LRRC72: variants seen among roughly 807,000 people sequenced by gnomAD.
LRRC72 encodes the protein leucine rich repeat containing 72.
Under a neutral mutation model 35.8 loss-of-function variants are expected in LRRC72, and 41 were observed. That is an observed-to-expected ratio of 1.15 (90% CI 0.89 to 1.49). The LOEUF is 1.49. Ranked by LOEUF, LRRC72 falls within the 40% of genes most tolerant of loss-of-function variation. The pLI, the probability that LRRC72 is intolerant of heterozygous loss-of-function variation, is 0.00. For missense variants in LRRC72, 389 were observed against 330.7 expected (o/e 1.18, Z -1.37); for synonymous variants, 118 against 119.2 (o/e 0.99, Z 0.07).
At chr7:16,569,792 A>G (rs888964431) in intron 7 of LRRC72, among the ~76,000 whole-genome samples, 1 of 152,082 alleles carries the variant, frequency 6.6e-6, no homozygotes, top group Non-Finnish European at 1.5e-5. Flanking sequence ...GCACTTTGGG[A>G]GGCCGAGGCA....
intron 2 of LRRC72, among the ~76,000 whole-genome samples, chr7:16,534,753 T>C (rs1405193357): frequency 1.3e-5 from 2 of 152,210 alleles, no homozygotes; most frequent in African/African-American, 4.8e-5. Flanking sequence ...TTATTATTTA[T>C]CATAGGAACA....
chr7:16,559,123 G>A (rs1369180985), intron 5 of LRRC72, 124 bp downstream of exon 5: 3 of 560,280 alleles, frequency 5.4e-6, no homozygotes, highest in African/African-American at 3.9e-5. Context: ...GCTGGGCACT[G>A]TGACTCACGC....
At chr7:16,559,915 T>C (rs1487675109) in intron 5 of LRRC72, among the ~76,000 whole-genome samples, 1 of 152,032 alleles carries the variant, frequency 6.6e-6, no homozygotes, top group Non-Finnish European at 1.5e-5. Flanking sequence ...TTTTTAAGCT[T>C]TCAACTGGAG....
chr7:16,538,332 C>T (rs75914904), intron 3 of LRRC72, among the ~76,000 whole-genome samples: 2,702 of 152,094 alleles, frequency 0.018, 59 homozygotes, highest in African/African-American at 0.044. Context: ...TGCTTTGTAC[C>T]CTATAGTACT....
At chr7:16,531,749 C>G (rs1366860409) in intron 1 of LRRC72, among the ~76,000 whole-genome samples, 2 of 151,938 alleles carry the variant, frequency 1.3e-5, no homozygotes, top group East Asian at 3.9e-4. Flanking sequence ...GTCATGTGGC[C>G]TATTAACATT....
intron 3 of LRRC72, among the ~76,000 whole-genome samples, chr7:16,538,381 T>C (rs775148173): frequency 6.6e-6 from 1 of 152,204 alleles, no homozygotes; most frequent in African/African-American, 2.4e-5. Context: ...TTATAGCTTA[T>C]TCAGAAGTTC....
chr7:16,564,678 T>G (rs1008487449), intron 5 of LRRC72, among the ~76,000 whole-genome samples: 2 of 152,204 alleles, frequency 1.3e-5, no homozygotes, highest in African/African-American at 4.8e-5. Flanking sequence ...GCCTGCTTTA[T>G]GTCCCTCTAA....
intron 1 of LRRC72, among the ~76,000 whole-genome samples, chr7:16,529,385 T>C (rs1782125572): frequency 6.6e-6 from 1 of 152,216 alleles, no homozygotes; most frequent in Non-Finnish European, 1.5e-5. Flanking sequence ...AGGCTAACAG[T>C]ACAGGTGTAC....
At position 16,532,507 on chromosome 7, in the gene LRRC72, C is replaced by T. The variant is rs184216977; in HGVS notation, c.103C>T (p.Gln35Ter). The change falls in exon 2 of 9, where the codon CAG becomes TAG. Residue 35 changes from glutamine to a stop codon, truncating the protein, a stop_gained. Coordinates refer to ENST00000401542, the MANE Select transcript of LRRC72 (RefSeq NM_001195280.2). LOFTEE classifies it high-confidence loss of function. ...LQSSRRAVED[Q>*]LKICGHRRDA... The stretch of plus-strand genomic sequence containing the variant: ...TATATGTTATCAGGCAGTTGAAGAT[C>T]AGCTAAAGATATGTGGCCACAGGAG... The T allele has an allele frequency of 7.7e-6, 12 of 1,549,748 alleles. No homozygotes were observed. The East Asian group carries it at 2.7e-4, about 35-fold the overall frequency.
intron 5 of LRRC72, among the ~76,000 whole-genome samples, chr7:16,565,774 T>C (rs906519656): frequency 2.6e-5 from 4 of 152,180 alleles, no homozygotes; most frequent in African/African-American, 9.7e-5. Flanking sequence ...CCACTTCTGC[T>C]CAGCTCTGGT....
chr7:16,555,996 T>C (rs555730976), intron 3 of LRRC72, among the ~76,000 whole-genome samples: 2 of 151,842 alleles, frequency 1.3e-5, no homozygotes, highest in Admixed American at 6.6e-5. Flanking sequence ...GCTCCTCCTC[T>C]ATGGCTCTAC....
intron 7 of LRRC72, among the ~76,000 whole-genome samples, chr7:16,575,819 C>T (rs909228545): frequency 7.2e-5 from 11 of 152,100 alleles, no homozygotes; most frequent in African/African-American, 2.4e-4. Context: ...TTAAAAACAG[C>T]GAATGCACAC....
At position 16,551,686 on chromosome 7, in the gene LRRC72, A is replaced by G. The variant is rs190121894; in HGVS notation, c.235-5674A>G. 3.8e-3 allele frequency among the ~76,000 whole-genome samples: 584 copies of G among 151,970 alleles called. 4 individuals are homozygous for G. The highest frequency in any genetic ancestry group is 0.013 in the African/African-American group (559 of 41,448). The stretch of plus-strand genomic sequence containing the variant: ...TTCCTGGAGGGTGGTACCCGGGGGG[A>G]GGGCATGGAAGCTCTGCATCCCTTC... On this transcript the variant is annotated intron_variant, in intron 3 of 8. Transcript: ENST00000401542.
chr7:16,534,022 G>A (rs145334700), intron 2 of LRRC72, among the ~76,000 whole-genome samples: 11 of 152,134 alleles, frequency 7.2e-5, no homozygotes, highest in East Asian at 3.9e-4. Context: ...ATAATTAATC[G>A]ACTCCTTGTG....
At chr7:16,557,233 A>G (rs10256540) in intron 3 of LRRC72, 127 bp from the exon 4 acceptor site, 19,952 of 254,574 alleles carry the variant, frequency 0.078, 920 homozygotes, top group East Asian at 0.13. Context: ...TAAGAATAGC[A>G]GAGGTCAAAC....
intron 2 of LRRC72, among the ~76,000 whole-genome samples, chr7:16,534,668 A>G (rs1347584649): frequency 1.3e-5 from 2 of 152,064 alleles, no homozygotes; most frequent in African/African-American, 4.8e-5. Flanking sequence ...ATAATAAAAT[A>G]AAATGAAATA....
At chr7:16,549,366 G>A (rs945651248) in intron 3 of LRRC72, among the ~76,000 whole-genome samples, 1 of 152,126 alleles carries the variant, frequency 6.6e-6, no homozygotes, top group African/African-American at 2.4e-5. Context: ...TATGGAGCTT[G>A]AGAATCAAGT....
At chr7:16,558,269 A>G (rs962609734) in intron 4 of LRRC72, among the ~76,000 whole-genome samples, 1 of 152,178 alleles carries the variant, frequency 6.6e-6, no homozygotes, top group African/African-American at 2.4e-5. Flanking sequence ...GAAGAAAATA[A>G]CCCCTCCAAA....
At chr7:16,527,259 C>T (rs767765562) in intron 1 of LRRC72, among the ~76,000 whole-genome samples, 2 of 152,132 alleles carry the variant, frequency 1.3e-5, no homozygotes, top group Non-Finnish European at 2.9e-5. Flanking sequence ...CGAGCGGTGG[C>T]GAACCCCCCT....
Sources: gnomAD v4.1 joint callset for allele counts (sites outside exome capture counted in the v4.1 genomes callset) on GRCh38, gnomAD v4.1.1 for gene constraint, MANE v1.5 for transcripts, NCBI Gene and HGNC (gene_info 2026-07-23, HGNC 2026-07-21) for gene names.